Variants in PRPF40B observed in about 807,000 individuals in gnomAD.
PRPF40B encodes the protein pre-mRNA processing factor 40B, also known as pre-mRNA-processing factor 40 homolog B.
Under a neutral mutation model 124.5 loss-of-function variants are expected in PRPF40B, and 56 were observed. That is an observed-to-expected ratio of 0.45 (90% CI 0.36 to 0.56). The LOEUF is 0.56. PRPF40B is among the 20% of genes least tolerant of loss of function. The probability of loss-of-function intolerance (pLI) is 0.00; values close to 1 mark genes in which losing one functional copy is unlikely to be tolerated. For synonymous variants in PRPF40B, 443 were observed against 426.4 expected (o/e 1.04, Z -0.48); for missense variants, 1,053 against 1,169.5 (o/e 0.90, Z 1.45).
rs1176550516 is a variant in PRPF40B, at chr12:49,642,224, TC to T, written c.1885-10del. ...CTGGGTGACCCTGTTCCGTGTCCCT[TC>T]TTTCCTCAGCTGCTGGAGAAAGCAG... On this transcript the variant is annotated splice_polypyrimidine_tract_variant and intron_variant, in intron 19 of 25. Transcript: ENST00000548825. The surrounding 1 kb of genome is among the most constrained non-coding windows in gnomAD (Gnocchi z 5.8). 2 of 1,614,124 alleles carry T rather than the reference TC, an allele frequency of 1.2e-6. No homozygotes were observed. Among genetic ancestry groups the T allele is most frequent in the Non-Finnish European group, 8.5e-7 (1 of 1,180,010 alleles).
At chr12:49,634,764 G>A in intron 12 of PRPF40B, 162 bp downstream of exon 12, 1 of 766,190 alleles carries the variant, frequency 1.3e-6, no homozygotes, top group Non-Finnish European at 2.1e-6. Context: ...GGGCCTCCAG[G>A]AGAAGGAAAG....
chr12:49,628,388 G>A (rs1940918437), intron 1 of PRPF40B, among the ~76,000 whole-genome samples: 1 of 151,908 alleles, frequency 6.6e-6, no homozygotes, highest in Non-Finnish European at 1.5e-5. Flanking sequence ...AGCCTCCCCA[G>A]TAGCTGAGAC....
chr12:49,630,706 C>T, intron 2 of PRPF40B, 81 bp downstream of exon 2: 1 of 668,648 alleles, frequency 1.5e-6, no homozygotes, highest in South Asian at 1.8e-5. Flanking sequence ...TGCTGCATCA[C>T]CAGCACAGTT....
At position 49,635,001 on chromosome 12, in the gene PRPF40B, C is replaced by A; in HGVS notation, c.1002-98C>A. 7.8e-7 allele frequency: 1 copy of A among 1,277,284 alleles called. No individual in the cohort carries two copies. The allele number at this position is 1,277,284 out of a possible 1,614,324, so 79.1% of individuals were successfully genotyped here. Reference sequence around the variant, plus strand: ...CCCAGACATCTGTGCCCTTGGAGCCCCTGCAGCCTGCAGTGTCTCATGACC... The same window carrying A: ...CCCAGACATCTGTGCCCTTGGAGCCACTGCAGCCTGCAGTGTCTCATGACC... On this transcript the variant is annotated intron_variant, in intron 12 of 25. Coordinates refer to ENST00000548825, the MANE Select transcript of PRPF40B (RefSeq NM_001031698.3). This position sits in a 1 kb window ranked among gnomAD's most constrained non-coding sequence, Gnocchi z 4.1.
At chr12:49,632,365 C>T (rs1941305694) in intron 4 of PRPF40B, 2 of 583,412 alleles carry the variant, frequency 3.4e-6, no homozygotes, top group Non-Finnish European at 6.0e-6. Context: ...GGAGTTGTCT[C>T]AACAAAATAC....
Position 49,637,484 on chromosome 12 carries a change from G to C in PRPF40B, c.1575G>C (p.Glu525Asp). The C allele has an allele frequency of 6.2e-7, 1 of 1,613,412 alleles. No individual in the cohort carries two copies. The highest frequency in any genetic ancestry group is 8.5e-7 in the Non-Finnish European group (1 of 1,179,950). Residue 525 changes from glutamate to aspartate, a missense_variant, in exon 17 of 26, where the codon GAG (glutamate) becomes GAC (aspartate). Coordinates refer to ENST00000548825, the MANE Select transcript of PRPF40B (RefSeq NM_001031698.3). ...TCCCTGCTCAGACCTTCCTGGACGA[G>C]CTGCATGAGACAGGGCAGCTGCACT... ...NREAFQTFLD[E>D]LHETGQLHSM...
At position 49,633,002 on chromosome 12, in the gene PRPF40B, C is replaced by CA. The variant is rs1406955679; in HGVS notation, c.349-12_349-11insA. ...GCCTTGACCACCATTCTGTGCCCCC[C>CA]CCCCCACCCAGAGGGCCCTATGGAG... On this transcript the variant is annotated splice_polypyrimidine_tract_variant and intron_variant, in intron 6 of 25. Transcript: ENST00000548825. The CA allele has an allele frequency of 1.9e-6, 1 of 530,754 alleles. No individual in the cohort carries two copies. Among genetic ancestry groups the CA allele is most frequent in the Admixed American group, 2.2e-5 (1 of 45,282 alleles). 32.9% of individuals were successfully genotyped at this position (530,754 alleles called of 1,614,324 possible). A position where few individuals can be genotyped will look rare whatever the true frequency, so the allele number is the denominator to read the frequency against.
chr12:49,624,137 C>T, intron 1 of PRPF40B: 3 of 985,904 alleles, frequency 3.0e-6, no homozygotes, highest in Non-Finnish European at 3.6e-6. Context: ...CCAGCCCAGG[C>T]CATCAACAAA....
At position 49,633,525 on chromosome 12, in the gene PRPF40B, C is replaced by T. The variant is rs528349627; in HGVS notation, c.558C>T (p.Pro186=). Residue 186 remains proline, a synonymous_variant, in exon 8 of 26, where the codon CCC becomes CCT. Coordinates refer to ENST00000548825, the MANE Select transcript of PRPF40B (RefSeq NM_001031698.3). ...NQSKESRWTR[P]KDLDDLEVLV... is the part of the protein sequence containing the mutation. ...GTAAAGAGTCCCGCTGGACCCGGCC[C>T]AAGGATCTGGATGACCTAGAGGGTG... 1.7e-4 allele frequency: 281 copies of T among 1,614,228 alleles called. 1 individual carries two copies. In the South Asian group the frequency reaches 2.9e-3, roughly 16 times the overall value.
rs1340278036 is a variant in PRPF40B, at chr12:49,635,592, T to C, written c.1275+119T>C. The stretch of plus-strand genomic sequence containing the variant: ...TTCCCCAGTGTCCCAGCTTCTGACT[T>C]GGAAGCTGGTATGGGACTTGCACAT... On this transcript the variant is annotated intron_variant, in intron 14 of 25. Transcript: ENST00000548825. The surrounding 1 kb of genome is among the most constrained non-coding windows in gnomAD (Gnocchi z 4.1). 21 of 1,050,582 alleles carry C rather than the reference T, an allele frequency of 2.0e-5. No individual in the cohort carries two copies. The highest frequency in any genetic ancestry group is 2.5e-5 in the Non-Finnish European group (18 of 724,580). 65.1% of individuals were successfully genotyped at this position (1,050,582 alleles called of 1,614,324 possible). A position where few individuals can be genotyped will look rare whatever the true frequency, so the allele number is the denominator to read the frequency against.
At chr12:49,624,955 T>C (rs1940574487) in intron 1 of PRPF40B, among the ~76,000 whole-genome samples, 1 of 152,082 alleles carries the variant, frequency 6.6e-6, no homozygotes, top group Non-Finnish European at 1.5e-5. Flanking sequence ...AGGATGGTCT[T>C]TGAAACGGAA....
chr12:49,626,541 G>C lies in PRPF40B; in HGVS notation c.3+2948G>C, dbSNP rs572917523. Among the ~76,000 whole-genome samples, 6 of 152,300 alleles carry C rather than the reference G, an allele frequency of 3.9e-5. No homozygotes were observed. The East Asian group carries it at 1.2e-3, about 29-fold the overall frequency. ...TTGGATCATCTTGAACAAAGCATGA[G>C]ACTGTAGAATAAAAGAAATGTGTTT... On this transcript the variant is annotated intron_variant, in intron 1 of 25. Coordinates refer to ENST00000548825, the MANE Select transcript of PRPF40B (RefSeq NM_001031698.3).
At position 49,642,697 on chromosome 12, in the gene PRPF40B, G is replaced by C; in HGVS notation, c.2118+22G>C. The C allele has an allele frequency of 1.9e-6, 3 of 1,609,678 alleles. No individual in the cohort carries two copies. Among genetic ancestry groups the C allele is most frequent in the Non-Finnish European group, 2.5e-6 (3 of 1,177,712 alleles). On this transcript the variant is annotated intron_variant, in intron 21 of 25. Transcript: ENST00000548825. The surrounding 1 kb of genome is among the most constrained non-coding windows in gnomAD (Gnocchi z 5.8). ...GGAGGTGAGGCAGGCTTGTCCTCTGGATCTGCCTCAGGCCCTTGAACTCAT... is the reference window on the plus strand; with the variant it reads ...GGAGGTGAGGCAGGCTTGTCCTCTGCATCTGCCTCAGGCCCTTGAACTCAT...
At chr12:49,637,433 G>T (rs761736429) in intron 16 of PRPF40B, 37 bp from the exon 17 acceptor site, 4 of 1,467,690 alleles carry the variant, frequency 2.7e-6, no homozygotes, top group Non-Finnish European at 3.8e-6. Context: ...CTGCCTCCCT[G>T]TCTCACTCTC....
At position 49,636,797 on chromosome 12, in the gene PRPF40B, G is replaced by A. The variant is rs752204001; in HGVS notation, c.1508G>A (p.Arg503Gln). 2.1e-5 allele frequency: 34 copies of A among 1,614,112 alleles called. No individual in the cohort carries two copies. Among genetic ancestry groups the A allele is most frequent in the South Asian group, 5.5e-5 (5 of 91,088 alleles). ...LEREEEEERERARLRERRQQR... is the reference protein window; with the variant it reads ...LEREEEEEREQARLRERRQQR... ...AGGGAAGAGGAGGAGGAACGGGAGC[G>A]GGCCCGGCTTCGGGAGCGACGCCAA... Residue 503 changes from arginine to glutamine, a missense_variant, in exon 16 of 26, where the codon CGG (arginine) becomes CAG (glutamine). Coordinates refer to ENST00000548825, the MANE Select transcript of PRPF40B (RefSeq NM_001031698.3).
Position 49,635,724 on chromosome 12 carries a change from C to G in PRPF40B, c.1276-119C>G. ...CTCCCCTTCCCTGAGACATGAAAGT[C>G]TTGAGTATGGCCTTCTTCCTAGGGT... On this transcript the variant is annotated intron_variant, in intron 14 of 25. Transcript: ENST00000548825. The surrounding 1 kb of genome is among the most constrained non-coding windows in gnomAD (Gnocchi z 4.1). The G allele has an allele frequency of 8.0e-7, 1 of 1,246,166 alleles. No homozygotes were observed. The highest frequency in any genetic ancestry group is 1.5e-5 in the African/African-American group (1 of 67,274). 77.2% of individuals were successfully genotyped at this position (1,246,166 alleles called of 1,614,324 possible). A position where few individuals can be genotyped will look rare whatever the true frequency, so the allele number is the denominator to read the frequency against.
rs916572085 is a variant in PRPF40B, at chr12:49,644,197, A to G, written c.*5A>G. The G allele has an allele frequency of 1.5e-5, 25 of 1,613,928 alleles. No individual in the cohort carries two copies. Among genetic ancestry groups the G allele is most frequent in the South Asian group, 4.4e-5 (4 of 91,092 alleles). On this transcript the variant is annotated 3_prime_UTR_variant, in exon 26 of 26. Coordinates refer to ENST00000548825, the MANE Select transcript of PRPF40B (RefSeq NM_001031698.3). ...CAGCTGGATGATCACCAGTGACCCAATGAGCTGTTCTCTGCCTCGGGTCTG... is the reference window on the plus strand; with the variant it reads ...CAGCTGGATGATCACCAGTGACCCAGTGAGCTGTTCTCTGCCTCGGGTCTG...
intron 18 of PRPF40B, chr12:49,638,349 G>A (rs964493352): frequency 1.3e-5 from 2 of 153,748 alleles, no homozygotes; most frequent in African/African-American, 4.8e-5. Flanking sequence ...TTGTCAATAT[G>A]GATTATCTAG....
chr12:49,631,444 T>C lies in PRPF40B; in HGVS notation c.128T>C (p.Leu43Pro). 1 of 1,334,104 alleles carries C rather than the reference T, an allele frequency of 7.5e-7. No homozygotes were observed. The highest frequency in any genetic ancestry group is 1.0e-6 in the Non-Finnish European group (1 of 994,384). The allele number at this position is 1,334,104 out of a possible 1,614,324, so 82.6% of individuals were successfully genotyped here. Reference protein sequence around the residue: ...GIPPPFPPMGLPPMSQRPPAI... With the variant: ...GIPPPFPPMGPPPMSQRPPAI... Reference sequence around the variant, plus strand: ...CCCCCACCCTTTCCTCCGATGGGGCTACCCCCCATGAGTCAGAGACCACCA... The same window carrying C: ...CCCCCACCCTTTCCTCCGATGGGGCCACCCCCCATGAGTCAGAGACCACCA... Residue 43 changes from leucine to proline, a missense_variant, in exon 3 of 26, where the codon CTA (leucine) becomes CCA (proline). Physicochemically the swap from Leu to Pro is moderately conservative, Grantham distance 98. This residue lies in a region of PRPF40B where 158 missense variants were observed against 117.3 expected (regional missense o/e 1.35). Transcript: ENST00000548825. The surrounding 1 kb of genome is among the most constrained non-coding windows in gnomAD (Gnocchi z 4.3).
Sources: gnomAD v4.1 joint callset for allele counts (sites outside exome capture counted in the v4.1 genomes callset) on GRCh38, gnomAD v4.1.1 for gene constraint, gnomAD v4.1.1 regional missense constraint, Gnocchi (gnomAD v3.1) non-coding constraint, MANE v1.5 for transcripts, NCBI Gene and HGNC (gene_info 2026-07-23, HGNC 2026-07-21) for gene names.